ADGRL3: variants seen among roughly 807,000 people sequenced by gnomAD.
The protein encoded by ADGRL3 is adhesion G protein-coupled receptor L3.
A neutral mutation model predicts 153.5 loss-of-function variants in ADGRL3; 62 were observed. The ratio of observed to expected loss-of-function variants is 0.40; its 90% confidence interval spans 0.33 to 0.50. ADGRL3 has a LOEUF of 0.50. ADGRL3 is among the 20% of genes least tolerant of loss of function. ADGRL3 has a pLI of 0.47. For synonymous variants in ADGRL3, 710 were observed against 672.5 expected, an observed-to-expected ratio of 1.06 and a Z score of -0.86; for missense variants, 1,641 against 1,859.4, an observed-to-expected ratio of 0.88 and a Z score of 2.16.
chr4:61,809,499 TA>T (rs2148557081), intron 8 of ADGRL3, among the ~76,000 whole-genome samples: 1 of 152,232 alleles, frequency 6.6e-6, no homozygotes, highest in Non-Finnish European at 1.5e-5. Context: ...AAAAGTCAGA[TA>T]TTACCTCTTG....
At chr4:61,773,309 T>C (rs1338368861) in intron 8 of ADGRL3, among the ~76,000 whole-genome samples, 7 of 152,204 alleles carry the variant, frequency 4.6e-5, no homozygotes, top group African/African-American at 1.7e-4. Flanking sequence ...AAATCAAATA[T>C]TGGTATATAT....
At chr4:61,317,088 T>C (rs535251686) in intron 1 of ADGRL3, among the ~76,000 whole-genome samples, 1 of 152,244 alleles carries the variant, frequency 6.6e-6, no homozygotes, top group Non-Finnish European at 1.5e-5. Flanking sequence ...AAGAGAGGAG[T>C]AAACCTTGAA....
At chr4:61,922,317 ATAT>A (rs1386697375) in intron 13 of ADGRL3, among the ~76,000 whole-genome samples, 36 of 152,170 alleles carry the variant, frequency 2.4e-4, no homozygotes, top group African/African-American at 8.4e-4. Flanking sequence ...AAACTAATAG[ATAT>A]TATTTTTTGA....
At chr4:61,800,216 TAATG>T (rs10583785) in intron 8 of ADGRL3, among the ~76,000 whole-genome samples, 11,999 of 152,102 alleles carry the variant, frequency 0.079, 538 homozygotes, top group Middle Eastern at 0.14. Context: ...ACAGGAAAAA[TAATG>T]TATGTATATA....
At chr4:61,856,345 C>T (rs2098263579) in intron 9 of ADGRL3, among the ~76,000 whole-genome samples, 1 of 150,742 alleles carries the variant, frequency 6.6e-6, no homozygotes, top group Non-Finnish European at 1.5e-5. Flanking sequence ...CTCCCTCCCT[C>T]CCTTCTTCTT....
intron 6 of ADGRL3, among the ~76,000 whole-genome samples, chr4:61,727,284 G>T (rs1304846170): frequency 1.3e-5 from 2 of 151,920 alleles, no homozygotes; most frequent in Admixed American, 6.6e-5. Context: ...CTAACCACAG[G>T]ATATAGCTTA....
chr4:61,932,088 A>G (rs2098819944), intron 13 of ADGRL3, among the ~76,000 whole-genome samples: 1 of 152,042 alleles, frequency 6.6e-6, no homozygotes, highest in Admixed American at 6.6e-5. Context: ...TATATATTTA[A>G]TGGAGTCTTT....
At chr4:61,759,595 AT>A (rs1330015083) in intron 8 of ADGRL3, among the ~76,000 whole-genome samples, 1 of 151,644 alleles carries the variant, frequency 6.6e-6, no homozygotes, top group African/African-American at 2.4e-5. Context: ...AAGGTTTTTA[AT>A]TTCTTTGCCA....
At chr4:61,882,702 C>G (rs2149493283) in intron 9 of ADGRL3, among the ~76,000 whole-genome samples, 1 of 152,312 alleles carries the variant, frequency 6.6e-6, no homozygotes, top group East Asian at 1.9e-4. Flanking sequence ...GTGTCTAGAC[C>G]TTTGCAGATG....
intron 4 of ADGRL3, among the ~76,000 whole-genome samples, chr4:61,579,778 G>T (rs1208217389): frequency 6.6e-6 from 1 of 151,868 alleles, no homozygotes; most frequent in Non-Finnish European, 1.5e-5. Flanking sequence ...TTGTCACTTT[G>T]TTACACTTAG....
intron 17 of ADGRL3, among the ~76,000 whole-genome samples, chr4:61,962,052 A>G (rs964602906): frequency 2.0e-5 from 3 of 152,110 alleles, no homozygotes; most frequent in Non-Finnish European, 4.4e-5. Context: ...CAGCCTGGGC[A>G]ACACAGTGAA....
At chr4:61,300,415 G>A (rs1374880702) in intron 1 of ADGRL3, among the ~76,000 whole-genome samples, 3 of 152,288 alleles carry the variant, frequency 2.0e-5, no homozygotes, top group South Asian at 4.1e-4. Flanking sequence ...AAATTGCAGA[G>A]TGTGTAAATT....
intron 1 of ADGRL3, among the ~76,000 whole-genome samples, chr4:61,215,452 G>A (rs1262862446): frequency 2.0e-5 from 3 of 150,346 alleles, no homozygotes; most frequent in Non-Finnish European, 4.4e-5. Flanking sequence ...CTGGGTTTTA[G>A]TTTCCTTAAA....
intron 9 of ADGRL3, among the ~76,000 whole-genome samples, chr4:61,848,638 A>G (rs1449020512): frequency 6.6e-6 from 1 of 152,078 alleles, no homozygotes; most frequent in East Asian, 1.9e-4. Flanking sequence ...AATTCAACCC[A>G]TATCACCCTG....
At chr4:62,006,034 T>TATA (rs1560495406) in intron 21 of ADGRL3, among the ~76,000 whole-genome samples, 8 of 94,588 alleles carry the variant, frequency 8.5e-5, no homozygotes, top group African/African-American at 3.1e-4. Context: ...ATATATATAT[T>TATA]TTTTTTTTTT....
intron 8 of ADGRL3, among the ~76,000 whole-genome samples, chr4:61,758,947 T>G (rs1185649103): frequency 6.6e-6 from 1 of 152,188 alleles, no homozygotes; most frequent in African/African-American, 2.4e-5. Context: ...GAAGCTTAGT[T>G]TGGCTGGATA....
intron 8 of ADGRL3, among the ~76,000 whole-genome samples, chr4:61,773,118 G>A (rs2097105332): frequency 6.6e-6 from 1 of 152,106 alleles, no homozygotes; most frequent in Admixed American, 6.5e-5. Context: ...AGGTTACGGG[G>A]TAGAATAGGG....
At chr4:62,031,353 T>A in intron 22 of ADGRL3, 89 bp from the exon 23 acceptor site, 1 of 1,083,402 alleles carries the variant, frequency 9.2e-7, no homozygotes, top group East Asian at 2.4e-5. Flanking sequence ...TACTGTAACA[T>A]TTTTTTCAGT....
intron 8 of ADGRL3, among the ~76,000 whole-genome samples, chr4:61,795,226 C>T (rs1372257837): frequency 6.6e-6 from 1 of 152,160 alleles, no homozygotes; most frequent in Non-Finnish European, 1.5e-5. Context: ...CTTCTAGGCT[C>T]AAACAATTCT....
Sources: gnomAD v4.1 joint callset for allele counts (sites outside exome capture counted in the v4.1 genomes callset) on GRCh38, gnomAD v4.1.1 for gene constraint, MANE v1.5 for transcripts, NCBI Gene and HGNC (gene_info 2026-07-23, HGNC 2026-07-21) for gene names.